IGSF9: variants seen among roughly 807,000 people sequenced by gnomAD.
The protein encoded by IGSF9 is protein turtle homolog A.
In IGSF9, 87 loss-of-function variants were observed where a neutral mutation model predicts 121.7. That is an observed-to-expected ratio of 0.71 (90% CI 0.60 to 0.85). The LOEUF (loss-of-function observed/expected upper bound fraction) is 0.85. Ranked by LOEUF, IGSF9 falls within the 40% of genes least tolerant of loss-of-function variation. IGSF9 has a pLI of 0.00. For missense variants in IGSF9, 1,462 were observed against 1,565.3 expected (o/e 0.93, Z 1.11); for synonymous variants, 640 against 648.4 (o/e 0.99, Z 0.20).
chr1:159,928,282 G>A lies in IGSF9; in HGVS notation c.3106C>T (p.Pro1036Ser), dbSNP rs1427766718. 2 of 1,612,642 alleles carry A rather than the reference G, an allele frequency of 1.2e-6. No individual in the cohort carries two copies. Among genetic ancestry groups the A allele is most frequent in the South Asian group, 1.1e-5 (1 of 90,976 alleles). ...SGRGSASFLRPPSTAPSAGGS... is the reference protein window; with the variant it reads ...SGRGSASFLRSPSTAPSAGGS... Reference sequence around the variant, plus strand: ...CCTGCAGAGGGGGCTGTGGAGGGGGGCCGCAGGAACGAAGCGCTGCCTCGC... The same window carrying A: ...CCTGCAGAGGGGGCTGTGGAGGGGGACCGCAGGAACGAAGCGCTGCCTCGC... The change falls in exon 19 of 21, where the codon CCC becomes TCC. Residue 1036 changes from proline to serine, a missense_variant. Pro to Ser is a moderately conservative substitution (Grantham distance 74). Around this residue, in one of 3 missense-constraint regions of IGSF9, gnomAD observed 808 missense variants for 815.2 expected, o/e 0.99. Transcript: ENST00000368094.
chr1:159,934,587 G>A lies in IGSF9; in HGVS notation c.816-17C>T, dbSNP rs1651121322. 2 of 1,613,384 alleles carry A rather than the reference G, an allele frequency of 1.2e-6. No homozygotes were observed. The highest frequency in any genetic ancestry group is 2.2e-5 in the East Asian group (1 of 44,882). ...TGCAGGCGGCTGCAATGTGGCATGTGTGAGGAGGGGTCCAGGCCTTGCCCA... is the reference window on the plus strand; with the variant it reads ...TGCAGGCGGCTGCAATGTGGCATGTATGAGGAGGGGTCCAGGCCTTGCCCA... On this transcript the variant is annotated splice_polypyrimidine_tract_variant and intron_variant, in intron 7 of 20. Transcript: ENST00000368094.
chr1:159,941,832 C>T (rs1176113116), intron 3 of IGSF9, among the ~76,000 whole-genome samples: 1 of 152,224 alleles, frequency 6.6e-6, no homozygotes, highest in Non-Finnish European at 1.5e-5. Flanking sequence ...TTGGGGCCCG[C>T]TTTCATCCAT....
At chr1:159,929,064 C>T (rs1181410190) in intron 18 of IGSF9, 46 bp from the exon 19 acceptor site, 1 of 1,500,570 alleles carries the variant, frequency 6.7e-7, no homozygotes, top group Admixed American at 2.4e-5. Flanking sequence ...GGCAGGTCCC[C>T]CTCCCAGGAG....
intron 3 of IGSF9, among the ~76,000 whole-genome samples, chr1:159,942,308 A>G (rs1394946312): frequency 6.6e-6 from 1 of 152,156 alleles, no homozygotes; most frequent in East Asian, 1.9e-4. Flanking sequence ...AACAGGTGCC[A>G]CCTAAAGCAG....
chr1:159,928,928 C>A lies in IGSF9; in HGVS notation c.2460G>T (p.Trp820Cys). Residue 820 changes from tryptophan to cysteine, a missense_variant, in exon 19 of 21, where the codon TGG becomes TGT. By Grantham distance (215) the Trp-to-Cys change is radical. Transcript: ENST00000368094. ...PVPSLRQSLLWGDPAGTPSPH... is the reference protein window; with the variant it reads ...PVPSLRQSLLCGDPAGTPSPH... Reference sequence around the variant, plus strand: ...GGCTGGGAGTTCCGGCAGGATCCCCCCAGAGCAGACTCTGGCGCAGGCTGG... The same window carrying A: ...GGCTGGGAGTTCCGGCAGGATCCCCACAGAGCAGACTCTGGCGCAGGCTGG... 1 of 1,573,250 alleles carries A rather than the reference C, an allele frequency of 6.4e-7. No homozygotes were observed.
chr1:159,927,492 G>A lies in IGSF9; in HGVS notation c.3393C>T (p.Asn1131=), dbSNP rs1309998155. The stretch of plus-strand genomic sequence containing the variant: ...CCTCAGGGCCAGTAACATGGGCAGT[G>A]TTCAGGAGGCAGCCCTCCTCTGGAG... ...VKTPEEGCLL[N]TAHVTGPEAR... Residue 1131 remains asparagine (N), a synonymous_variant, in exon 21 of 21, where the codon AAC becomes AAT. Transcript: ENST00000368094. The A allele has an allele frequency of 1.9e-6, 3 of 1,614,060 alleles. No homozygotes were observed. The highest frequency in any genetic ancestry group is 8.5e-7 in the Non-Finnish European group (1 of 1,179,984).
At chr1:159,942,863 G>A in intron 3 of IGSF9, 100 bp downstream of exon 3, 1 of 931,712 alleles carries the variant, frequency 1.1e-6, no homozygotes, top group Non-Finnish European at 1.7e-6. Context: ...GATGAGATCA[G>A]AGCAGGGACA....
At position 159,932,042 on chromosome 1, in the gene IGSF9, C is replaced by T. The variant is rs1024850575; in HGVS notation, c.1246-114G>A. ...CTCACCTCACTCTCCCTCACTCCCC[C>T]TAGCTAAACACTCACCAAGCCTGTC... On this transcript the variant is annotated intron_variant, in intron 10 of 20. Coordinates refer to ENST00000368094, the MANE Select transcript of IGSF9 (RefSeq NM_001135050.2). This position sits in a 1 kb window ranked among gnomAD's most constrained non-coding sequence, Gnocchi z 4.1. 1 of 674,782 alleles carries T rather than the reference C, an allele frequency of 1.5e-6. No individual in the cohort carries two copies. The highest frequency in any genetic ancestry group is 1.8e-5 in the African/African-American group (1 of 55,476). The allele number at this position is 674,782 out of a possible 1,614,324, so 41.8% of individuals were successfully genotyped here.
At chr1:159,937,915 C>A in intron 3 of IGSF9, 77 bp from the exon 4 acceptor site, 1 of 1,469,328 alleles carries the variant, frequency 6.8e-7, no homozygotes, top group East Asian at 2.5e-5. Flanking sequence ...ACTGGTAATT[C>A]TTAGAGGTAA....
At chr1:159,942,468 C>T (rs1212469928) in intron 3 of IGSF9, among the ~76,000 whole-genome samples, 1 of 152,144 alleles carries the variant, frequency 6.6e-6, no homozygotes, top group Admixed American at 6.5e-5. Context: ...TACCCTGCTG[C>T]CCCATCAGCC....
At chr1:159,935,705 C>T (rs969478383) in intron 6 of IGSF9, among the ~76,000 whole-genome samples, 1 of 152,226 alleles carries the variant, frequency 6.6e-6, no homozygotes, top group Non-Finnish European at 1.5e-5. Flanking sequence ...GTTTAATCCT[C>T]ACCAAAAGCT....
intron 6 of IGSF9, among the ~76,000 whole-genome samples, chr1:159,935,486 C>G (rs982089505): frequency 6.6e-6 from 1 of 152,204 alleles, no homozygotes. Context: ...CCTGCACCCC[C>G]GGTCTGGAAT....
At chr1:159,930,129 T>G (rs1199019766) in intron 15 of IGSF9, 60 bp downstream of exon 15, 1 of 1,556,104 alleles carries the variant, frequency 6.4e-7, no homozygotes, top group African/African-American at 1.4e-5. Flanking sequence ...GTTTGGGGAA[T>G]GGAGAAGGAC....
chr1:159,939,730 G>A (rs1651315106), intron 3 of IGSF9, among the ~76,000 whole-genome samples: 3 of 152,180 alleles, frequency 2.0e-5, no homozygotes, highest in Admixed American at 2.0e-4. Flanking sequence ...GTTGAGGCAG[G>A]CTTTGTGATC....
chr1:159,942,839 G>T, intron 3 of IGSF9, 124 bp downstream of exon 3: 2 of 737,148 alleles, frequency 2.7e-6, no homozygotes, highest in Non-Finnish European at 4.6e-6. Flanking sequence ...CAGAGTTAAG[G>T]CAGCAGAGCT....
chr1:159,933,866 G>A, intron 9 of IGSF9: 2 of 372,968 alleles, frequency 5.4e-6, no homozygotes, highest in Non-Finnish European at 1.0e-5. Flanking sequence ...AGAAGTGTGT[G>A]TTCCCCCGGG....
Position 159,937,790 on chromosome 1 carries a change from C to A in IGSF9, c.296G>T (p.Arg99Leu). ...KGASLQIEGLRVEDQGWYECR... is the reference protein window; with the variant it reads ...KGASLQIEGLLVEDQGWYECR... ...CTCGTACCAGCCCTGGTCTTCCACC[C>A]GGAGACCCTCAATCTGGAGAGAGGC... Residue 99 changes from arginine (R) to leucine (L), a missense_variant, in exon 4 of 21, where the codon CGG (arginine) becomes CTG (leucine). By Grantham distance (102) the Arg-to-Leu change is moderately radical. Coordinates refer to ENST00000368094, the MANE Select transcript of IGSF9 (RefSeq NM_001135050.2). 1.2e-6 allele frequency: 2 copies of A among 1,614,084 alleles called. No homozygotes were observed. Among genetic ancestry groups the A allele is most frequent in the Non-Finnish European group, 1.7e-6 (2 of 1,179,964 alleles).
chr1:159,929,509 G>A, intron 17 of IGSF9, 116 bp from the exon 18 acceptor site: 1 of 1,491,368 alleles, frequency 6.7e-7, no homozygotes. Flanking sequence ...AGCGTAGGCA[G>A]GACCAGATGC....
chr1:159,944,241 T>C (rs1401917119), intron 1 of IGSF9, among the ~76,000 whole-genome samples: 3 of 152,120 alleles, frequency 2.0e-5, no homozygotes, highest in African/African-American at 7.2e-5. Flanking sequence ...CCAGCCTCTA[T>C]GAAAAACTCT....
Sources: gnomAD v4.1 joint callset for allele counts (sites outside exome capture counted in the v4.1 genomes callset) on GRCh38, gnomAD v4.1.1 for gene constraint, gnomAD v4.1.1 regional missense constraint, Gnocchi (gnomAD v3.1) non-coding constraint, MANE v1.5 for transcripts, NCBI Gene and HGNC (gene_info 2026-07-23, HGNC 2026-07-21) for gene names.